PI4KA: variants seen among roughly 807,000 people sequenced by gnomAD.
The protein encoded by PI4KA is phosphatidylinositol 4-kinase alpha, also known as PI4-kinase alpha.
Under a neutral mutation model 271.4 loss-of-function variants are expected in PI4KA, and 122 were observed. The observed-to-expected ratio is 0.45, with a 90% CI of 0.39 to 0.52. The LOEUF (loss-of-function observed/expected upper bound fraction) is 0.52. PI4KA is among the 20% of genes least tolerant of loss of function. The pLI, the probability that PI4KA is intolerant of heterozygous loss-of-function variation, is 0.00. For synonymous variants in PI4KA, 1,041 were observed against 1,078.8 expected (o/e 0.96, Z 0.69); for missense variants, 1,969 against 2,769.1 (o/e 0.71, Z 6.48).
At chr22:20,835,294 G>A (rs991537663) in intron 2 of PI4KA, among the ~76,000 whole-genome samples, 8 of 152,142 alleles carry the variant, frequency 5.3e-5, no homozygotes, top group Admixed American at 3.9e-4. Flanking sequence ...TCCATCATTG[G>A]CTTTTGGAGC....
intron 30 of PI4KA, 65 bp downstream of exon 30, chr22:20,744,563 G>T: frequency 1.8e-6 from 2 of 1,118,742 alleles, no homozygotes; most frequent in Non-Finnish European, 2.7e-6. Flanking sequence ...ACTAGGAAGC[G>T]GCCAACAGGC....
rs962522370 is a variant in PI4KA at position 20,744,563 on chromosome 22, G to A, written c.3456+65C>T. The A allele has an allele frequency of 2.5e-5, 28 of 1,118,624 alleles. No homozygotes were observed. The East Asian group carries it at 3.8e-4, about 15-fold the overall frequency. 69.3% of individuals were successfully genotyped at this position (1,118,624 alleles called of 1,614,324 possible). ...CTTTGTTCATTTTCCACTAGGAAGC[G>A]GCCAACAGGCCTCAAAACAAGAGGA... On this transcript the variant is annotated intron_variant, in intron 30 of 54. Transcript: ENST00000255882.
At position 20,717,770 on chromosome 22, in the gene PI4KA, G is replaced by C; in HGVS notation, c.5255C>G (p.Pro1752Arg). ...AGCCTTCTTTCTCTCGTCGCCTTTAGGGTAGGGCCTGAGAAACAGGAAAGA... is the reference window on the plus strand; with the variant it reads ...AGCCTTCTTTCTCTCGTCGCCTTTACGGTAGGGCCTGAGAAACAGGAAAGA... ...TNVSAIIKPY[P>R]KGDERKKACL... The change falls in exon 45 of 55, where the codon CCT becomes CGT. Residue 1752 changes from proline (P) to arginine (R), a missense_variant. Around this residue, in one of 13 missense-constraint regions of PI4KA, gnomAD observed 388 missense variants for 521.5 expected, o/e 0.74. Transcript: ENST00000255882. 1 of 1,569,238 alleles carries C rather than the reference G, an allele frequency of 6.4e-7. No homozygotes were observed. The highest frequency in any genetic ancestry group is 8.7e-7 in the Non-Finnish European group (1 of 1,155,154).
In PI4KA at chr22:20,834,906, G is replaced by C. The variant is rs547856414; in HGVS notation, c.274-251C>G. Among the ~76,000 whole-genome samples, 12 of 152,326 alleles carry C rather than the reference G, an allele frequency of 7.9e-5. No homozygotes were observed. The East Asian group carries it at 2.3e-3, about 29-fold the overall frequency. ...AAGGAAGGGTTCGCACCTGCCTTCT[G>C]GAGCTGAGGGTCCAGCCTGCTCAGG... On this transcript the variant is annotated intron_variant, in intron 2 of 54. Transcript: ENST00000255882.
rs779788297 is a variant in PI4KA, at chr22:20,765,253, A to T, written c.2438-17T>A. 2 of 1,587,168 alleles carry T rather than the reference A, an allele frequency of 1.3e-6. No homozygotes were observed. The highest frequency in any genetic ancestry group is 2.7e-5 in the African/African-American group (2 of 74,204). On this transcript the variant is annotated splice_polypyrimidine_tract_variant and intron_variant, in intron 20 of 54. Coordinates refer to ENST00000255882, the MANE Select transcript of PI4KA (RefSeq NM_058004.4). Reference sequence around the variant, plus strand: ...GCCAGAGTCCTGCAATAAAGTGAACATAAATGAGGAAATCACCTTGGTCGG... The same window carrying T: ...GCCAGAGTCCTGCAATAAAGTGAACTTAAATGAGGAAATCACCTTGGTCGG...
At chr22:20,809,443 T>TA (rs397794616) in intron 9 of PI4KA, among the ~76,000 whole-genome samples, 2 of 151,868 alleles carry the variant, frequency 1.3e-5, no homozygotes, top group Admixed American at 1.3e-4. Context: ...TTTTTTTTTT[T>TA]AGCTATGAAA....
At chr22:20,840,299 G>GGCT (rs771441313) in intron 1 of PI4KA, among the ~76,000 whole-genome samples, 69 of 152,316 alleles carry the variant, frequency 4.5e-4, no homozygotes, top group Non-Finnish European at 8.2e-4. Flanking sequence ...AATCAGGAAA[G>GGCT]GCTGCTGCTG....
intron 29 of PI4KA, 153 bp downstream of exon 29, chr22:20,747,430 G>T: frequency 1.5e-6 from 1 of 658,998 alleles, no homozygotes; most frequent in South Asian, 2.8e-5. Flanking sequence ...GCCAAGGTGC[G>T]GCTTGCACCA....
chr22:20,713,674 GT>G (rs1925624777), intron 47 of PI4KA, among the ~76,000 whole-genome samples: 1 of 152,262 alleles, frequency 6.6e-6, no homozygotes, highest in African/African-American at 2.4e-5. Flanking sequence ...GCCTGGGTCA[GT>G]GTTGGGTGCT....
intron 32 of PI4KA, among the ~76,000 whole-genome samples, chr22:20,739,416 T>C (rs1247471698): frequency 1.3e-5 from 2 of 149,800 alleles, no homozygotes; most frequent in South Asian, 2.1e-4. Context: ...GCAGAATCAC[T>C]TGAGCTCAGG....
chr22:20,851,852 G>A (rs1027126483), intron 1 of PI4KA, among the ~76,000 whole-genome samples: 1 of 152,196 alleles, frequency 6.6e-6, no homozygotes, highest in Non-Finnish European at 1.5e-5. Context: ...CAATGTTCAT[G>A]AAAGGCCAAG....
chr22:20,758,459 C>CTTTTTTTTTTTTTTTTT (rs35401829), intron 23 of PI4KA, among the ~76,000 whole-genome samples: 3 of 85,026 alleles, frequency 3.5e-5, no homozygotes, highest in African/African-American at 4.7e-5. Context: ...TCTTTCTTTT[C>CTTTTTTTTTTTTTTTTT]TTTTTTTTTT....
intron 43 of PI4KA, among the ~76,000 whole-genome samples, chr22:20,720,896 C>G (rs1221018915): frequency 6.6e-6 from 1 of 152,252 alleles, no homozygotes; most frequent in Non-Finnish European, 1.5e-5. Flanking sequence ...TCACATTAAA[C>G]AGCGCTCTTT....
At chr22:20,746,448 T>C (rs1020914018) in intron 29 of PI4KA, among the ~76,000 whole-genome samples, 1 of 152,164 alleles carries the variant, frequency 6.6e-6, no homozygotes, top group Non-Finnish European at 1.5e-5. Context: ...AACAAAATAT[T>C]TTAGGCAAAA....
rs894665080 is a variant in PI4KA at position 20,808,449 on chromosome 22, C to T, written c.1072-991G>A. Among the ~76,000 whole-genome samples the T allele has an allele frequency of 2.0e-4, 30 of 149,422 alleles. 1 individual carries two copies. The highest frequency in any genetic ancestry group is 6.5e-4 in the African/African-American group (26 of 40,250). ...TCTTCTAAAAATACAAAAAATTAGC[C>T]GGGCGTGGTGGCGTGCACCTGTAAT... On this transcript the variant is annotated intron_variant, in intron 9 of 54. Transcript: ENST00000255882.
At chr22:20,730,888 T>G (rs115334935) in intron 36 of PI4KA, among the ~76,000 whole-genome samples, 1 of 151,654 alleles carries the variant, frequency 6.6e-6, no homozygotes, top group Admixed American at 6.6e-5. Context: ...GCCTTTAAAA[T>G]AGAATAGGCT....
At chr22:20,719,476 T>C (rs552290147) in intron 43 of PI4KA, among the ~76,000 whole-genome samples, 15 of 152,116 alleles carry the variant, frequency 9.9e-5, no homozygotes, top group Admixed American at 9.8e-4. Flanking sequence ...CGAAGCACTC[T>C]TGCCGCATCT....
chr22:20,750,060 G>C, intron 27 of PI4KA, 66 bp from the exon 28 acceptor site: 1 of 1,020,990 alleles, frequency 9.8e-7, no homozygotes, highest in East Asian at 2.4e-5. Context: ...CGTAGTGACT[G>C]TCATGGGCTG....
intron 42 of PI4KA, among the ~76,000 whole-genome samples, chr22:20,722,710 T>C (rs1384636416): frequency 6.6e-6 from 1 of 152,226 alleles, no homozygotes; most frequent in Non-Finnish European, 1.5e-5. Context: ...AGCTGGCCTT[T>C]CTGGGCAGCC....
Sources: gnomAD v4.1 joint callset for allele counts (sites outside exome capture counted in the v4.1 genomes callset) on GRCh38, gnomAD v4.1.1 for gene constraint, gnomAD v4.1.1 regional missense constraint, MANE v1.5 for transcripts, NCBI Gene and HGNC (gene_info 2026-07-23, HGNC 2026-07-21) for gene names.